SEMA3E: variants seen among roughly 807,000 people sequenced by gnomAD.
The protein encoded by SEMA3E is semaphorin-3E.
Under a neutral mutation model 93.6 loss-of-function variants are expected in SEMA3E, and 49 were observed. That is an observed-to-expected ratio of 0.52 (90% confidence interval 0.42 to 0.66). The LOEUF is 0.66. SEMA3E is among the 30% of genes least tolerant of loss of function. The pLI is 0.00. For synonymous variants in SEMA3E, 363 were observed against 330.7 expected (o/e 1.10, Z -1.06); for missense variants, 906 against 964.8 (o/e 0.94, Z 0.81).
chr7:83,613,565 C>T (rs1209373345), intron 1 of SEMA3E, among the ~76,000 whole-genome samples: 1 of 151,810 alleles, frequency 6.6e-6, no homozygotes. Flanking sequence ...AGATTTCAGG[C>T]CTAAAAATAA....
At position 83,367,546 on chromosome 7, in the gene SEMA3E, A is replaced by G. The variant is rs1483186349; in HGVS notation, c.*40T>C. 1 of 1,599,220 alleles carries G rather than the reference A, an allele frequency of 6.3e-7. No individual in the cohort carries two copies. The highest frequency in any genetic ancestry group is 1.7e-5 in the Admixed American group (1 of 59,952). ...TATTTTTTTACTTTTTTACTTTCCA[A>G]ATATAAATTCTTCAAAAGACAGTAG... On this transcript the variant is annotated 3_prime_UTR_variant, in exon 17 of 17. Transcript: ENST00000643230.
chr7:83,531,341 CTTTTTTT>C (rs144165250), intron 1 of SEMA3E, among the ~76,000 whole-genome samples: 1 of 68,132 alleles, frequency 1.5e-5, no homozygotes, highest in Non-Finnish European at 2.6e-5. Context: ...TTGGAATATT[CTTTTTTT>C]TTTTTTTTTT....
intron 1 of SEMA3E, among the ~76,000 whole-genome samples, chr7:83,564,542 A>T (rs215277): frequency 0.27 from 41,026 of 152,132 alleles, 5,696 homozygotes; most frequent in African/African-American, 0.33. Context: ...ATCAATACAT[A>T]ACCCTAATCT....
intron 1 of SEMA3E, among the ~76,000 whole-genome samples, chr7:83,601,886 A>G (rs1793005733): frequency 6.6e-6 from 1 of 152,168 alleles, no homozygotes; most frequent in East Asian, 1.9e-4. Context: ...TTAATCTAGC[A>G]GAAGTTACTT....
At chr7:83,407,322 A>G (rs915735706) in intron 6 of SEMA3E, 83 bp from the exon 7 acceptor site, 4 of 1,152,992 alleles carry the variant, frequency 3.5e-6, no homozygotes, top group Non-Finnish European at 5.0e-6. Flanking sequence ...ATTGTATATC[A>G]TCTGAATCCT....
chr7:83,445,800 A>T (rs1164528948), intron 4 of SEMA3E, among the ~76,000 whole-genome samples: 1 of 152,196 alleles, frequency 6.6e-6, no homozygotes, highest in Non-Finnish European at 1.5e-5. Context: ...TCATCTGAGA[A>T]GGGGAAAGGT....
At chr7:83,481,254 G>A (rs1790139936) in intron 2 of SEMA3E, among the ~76,000 whole-genome samples, 1 of 151,872 alleles carries the variant, frequency 6.6e-6, no homozygotes, top group African/African-American at 2.4e-5. Context: ...TCCTGATATT[G>A]TCACATTATG....
At chr7:83,391,768 C>T (rs1243177046) in intron 14 of SEMA3E, among the ~76,000 whole-genome samples, 1 of 151,936 alleles carries the variant, frequency 6.6e-6, no homozygotes, top group Non-Finnish European at 1.5e-5. Context: ...AGAAAAGTAA[C>T]CCAAAGTTAA....
chr7:83,406,110 C>A lies in SEMA3E; in HGVS notation c.814-51G>T, dbSNP rs1174185529. On this transcript the variant is annotated intron_variant, in intron 7 of 16. Coordinates refer to ENST00000643230, the MANE Select transcript of SEMA3E (RefSeq NM_012431.3). ...TAGTTACCTAAAGAATTTCGACCAACCACAGATTTCATATTATTAAACATG... is the reference window on the plus strand; with the variant it reads ...TAGTTACCTAAAGAATTTCGACCAAACACAGATTTCATATTATTAAACATG... The A allele has an allele frequency of 3.2e-6, 4 of 1,262,456 alleles. No individual in the cohort carries two copies. The South Asian group carries it at 4.8e-5, about 15-fold the overall frequency. 78.2% of individuals were successfully genotyped at this position (1,262,456 alleles called of 1,614,324 possible).
At chr7:83,442,299 C>T (rs1291074733) in intron 4 of SEMA3E, among the ~76,000 whole-genome samples, 2 of 152,152 alleles carry the variant, frequency 1.3e-5, no homozygotes, top group African/African-American at 4.8e-5. Context: ...TCCTGTGCTA[C>T]CACATTTTGG....
chr7:83,572,123 A>G (rs1403769756), intron 1 of SEMA3E, among the ~76,000 whole-genome samples: 2 of 152,216 alleles, frequency 1.3e-5, no homozygotes, highest in African/African-American at 4.8e-5. Context: ...AGGAAGAATC[A>G]ATATTGTTAA....
At chr7:83,469,398 C>CTTTT (rs10650403) in intron 2 of SEMA3E, 96 bp from the exon 3 acceptor site, 108,474 of 582,170 alleles carry the variant, frequency 0.19, 6,169 homozygotes, top group African/African-American at 0.28. Flanking sequence ...AAAACATTTC[C>CTTTT]TTTTTTTTTT....
At position 83,616,789 on chromosome 7, in the gene SEMA3E, A is replaced by G. The variant is rs561034179; in HGVS notation, c.115+31639T>C. On this transcript the variant is annotated intron_variant, in intron 1 of 16. Coordinates refer to ENST00000643230, the MANE Select transcript of SEMA3E (RefSeq NM_012431.3). ...GCCCAGGCTGCAGTGCAAAGGCGTG[A>G]TCTCCTCTCACTACAACCTCCACCT... 1.3e-4 allele frequency: 55 copies of G among 427,342 alleles called. 2 individuals carry two copies. In the Middle Eastern group the frequency reaches 2.3e-3, roughly 18 times the overall value. The allele number at this position is 427,342 out of a possible 1,614,324, so 26.5% of individuals were successfully genotyped here.
intron 9 of SEMA3E, among the ~76,000 whole-genome samples, chr7:83,403,797 G>A (rs1788276421): frequency 6.6e-6 from 1 of 151,914 alleles, no homozygotes; most frequent in Non-Finnish European, 1.5e-5. Flanking sequence ...CTGGGATACA[G>A]GGAACACTTG....
intron 13 of SEMA3E, among the ~76,000 whole-genome samples, chr7:83,393,351 T>C (rs996972225): frequency 2.0e-5 from 3 of 152,024 alleles, no homozygotes; most frequent in Non-Finnish European, 2.9e-5. Context: ...CTGGGCAACA[T>C]GGCGAAACCC....
chr7:83,425,894 AC>A (rs1788760108), intron 4 of SEMA3E, among the ~76,000 whole-genome samples: 1 of 152,100 alleles, frequency 6.6e-6, no homozygotes, highest in African/African-American at 2.4e-5. Flanking sequence ...AAAGCAAAAA[AC>A]AACCCCATTA....
At chr7:83,581,609 A>G (rs1159213864) in intron 1 of SEMA3E, among the ~76,000 whole-genome samples, 3 of 152,010 alleles carry the variant, frequency 2.0e-5, no homozygotes, top group Non-Finnish European at 4.4e-5. Context: ...TGGAAAAGCA[A>G]TTTTGCAAAC....
intron 1 of SEMA3E, among the ~76,000 whole-genome samples, chr7:83,633,769 A>T (rs888507783): frequency 6.6e-6 from 1 of 152,178 alleles, no homozygotes; most frequent in Admixed American, 6.5e-5. Flanking sequence ...AAGAGGAAAA[A>T]AAAAATAGTC....
intron 1 of SEMA3E, among the ~76,000 whole-genome samples, chr7:83,594,955 A>AG (rs1177638672): frequency 1.3e-5 from 1 of 79,190 alleles, no homozygotes; most frequent in South Asian, 3.5e-4. Flanking sequence ...AACTTCTGGG[A>AG]AAAAAAAAAA....
Sources: allele counts gnomAD v4.1 joint callset (sites outside exome capture counted in the v4.1 genomes callset), GRCh38; gene constraint gnomAD v4.1.1; transcripts MANE v1.5; gene names NCBI Gene and HGNC (gene_info 2026-07-23, HGNC 2026-07-21).